Variants in HNRNPM observed in about 807,000 individuals in gnomAD.
HNRNPM encodes CEA receptor.
In HNRNPM, 11 loss-of-function variants were observed where a neutral mutation model predicts 73.1. The ratio of observed to expected loss-of-function variants is 0.15; its 90% CI spans 0.09 to 0.25. The LOEUF (loss-of-function observed/expected upper bound fraction) is 0.25. Among genes scored for constraint, HNRNPM ranks in the 10% least tolerant of loss-of-function variants. The pLI is 1.00. For missense variants in HNRNPM, 789 were observed against 1,067.9 expected, an observed-to-expected ratio of 0.74 and a Z score of 3.64; for synonymous variants, 407 against 355.2, an observed-to-expected ratio of 1.15 and a Z score of -1.64.
intron 7 of HNRNPM, 88 bp downstream of exon 7, chr19:8,466,476 G>C (rs190021110): frequency 2.3e-6 from 3 of 1,312,460 alleles, no homozygotes; most frequent in African/African-American, 2.9e-5. Context: ...AGAGGTGACT[G>C]TGTGTATTCA....
chr19:8,474,137 A>C (rs2145708502), intron 11 of HNRNPM, 30 bp from the exon 12 acceptor site: 3 of 1,516,864 alleles, frequency 2.0e-6, no homozygotes, highest in Non-Finnish European at 2.7e-6. Flanking sequence ...GTCTTGTTGG[A>C]TGATGCTGAA....
At chr19:8,479,645 T>C (rs1970762044) in intron 12 of HNRNPM, among the ~76,000 whole-genome samples, 1 of 151,520 alleles carries the variant, frequency 6.6e-6, no homozygotes, top group Non-Finnish European at 1.5e-5. Flanking sequence ...ACAGAGTGTA[T>C]GTTGCCCAGG....
intron 1 of HNRNPM, among the ~76,000 whole-genome samples, chr19:8,452,217 AT>A (rs1272516028): frequency 2.0e-5 from 3 of 152,182 alleles, no homozygotes. Context: ...TTATTTATAC[AT>A]TTCGTAGTTT....
intron 12 of HNRNPM, 120 bp from the exon 13 acceptor site, chr19:8,483,038 C>A: frequency 1.5e-6 from 1 of 657,784 alleles, no homozygotes. Context: ...TTTCTCAAAC[C>A]CCTTTCCCTT....
intron 12 of HNRNPM, among the ~76,000 whole-genome samples, chr19:8,479,096 T>G: frequency 7.9e-6 from 1 of 126,926 alleles, no homozygotes; most frequent in East Asian, 2.3e-4. Context: ...TTTTTTTTTT[T>G]TTTTTTCAAG....
chr19:8,480,034 A>G (rs1970799212), intron 12 of HNRNPM, among the ~76,000 whole-genome samples: 1 of 143,760 alleles, frequency 7.0e-6, no homozygotes, highest in Non-Finnish European at 1.5e-5. Flanking sequence ...CGGCCTCCCA[A>G]AGTGCTGGGA....
intron 12 of HNRNPM, among the ~76,000 whole-genome samples, chr19:8,479,063 C>CT (rs1182276028): frequency 6.2e-5 from 7 of 112,132 alleles, no homozygotes; most frequent in Admixed American, 3.8e-4. Context: ...ATTTCCTCCT[C>CT]TTTTTTCTTT....
rs1020079686 is a variant in HNRNPM, at chr19:8,485,776, A to G, written c.1348A>G (p.Met450Val). 9.4e-6 allele frequency: 15 copies of G among 1,602,590 alleles called. No homozygotes were observed. The highest frequency in any genetic ancestry group is 1.7e-5 in the Admixed American group (1 of 59,802). The change falls in exon 14 of 16, where the codon ATG (methionine) becomes GTG (valine). Residue 450 changes from methionine (M) to valine (V), a missense_variant. This residue lies in a region of HNRNPM where 604 missense variants were observed against 744.0 expected (regional missense o/e 0.81). Transcript: ENST00000325495. ...GGACCGCATGGGCTCCGTGGAGCGC[A>G]TGGGCTCCGGCATTGAGCGCATGGG... is the stretch of plus-strand genomic sequence containing the variant. ...VMDRMGSVER[M>V]GSGIERMGPL...
intron 1 of HNRNPM, among the ~76,000 whole-genome samples, chr19:8,449,883 G>T (rs1968481708): frequency 6.6e-6 from 1 of 152,166 alleles, no homozygotes; most frequent in South Asian, 2.1e-4. Flanking sequence ...GCCTCCATAG[G>T]ACCGAGGCCT....
chr19:8,486,412 G>A lies in HNRNPM; in HGVS notation c.1977+7G>A. On this transcript the variant is annotated splice_region_variant and intron_variant, in intron 14 of 15. Coordinates refer to ENST00000325495, the MANE Select transcript of HNRNPM (RefSeq NM_005968.5). The stretch of plus-strand genomic sequence containing the variant: ...CCAGATATTTGTGAGAAATGTAAGT[G>A]GCTCTTGGGGAACTTCTTGGTGGTG... The A allele has an allele frequency of 6.5e-7, 1 of 1,549,412 alleles. No homozygotes were observed. The highest frequency in any genetic ancestry group is 8.7e-7 in the Non-Finnish European group (1 of 1,155,060).
chr19:8,479,529 A>T (rs957251472), intron 12 of HNRNPM, among the ~76,000 whole-genome samples: 3 of 152,010 alleles, frequency 2.0e-5, no homozygotes, highest in Non-Finnish European at 2.9e-5. Context: ...TACAGTGGGT[A>T]TGATCTCACT....
chr19:8,487,495 G>T, intron 15 of HNRNPM: 1 of 202,238 alleles, frequency 4.9e-6, no homozygotes, highest in Admixed American at 5.5e-5. Flanking sequence ...GGCGGTGCAG[G>T]CTCTGGGCAC....
At chr19:8,483,073 A>G in intron 12 of HNRNPM, 85 bp from the exon 13 acceptor site, 1 of 825,804 alleles carries the variant, frequency 1.2e-6, no homozygotes, top group Non-Finnish European at 2.0e-6. Flanking sequence ...TATTAGTAGT[A>G]TTTCTACTCT....
chr19:8,460,528 C>A (rs1041732092), intron 2 of HNRNPM, among the ~76,000 whole-genome samples: 1 of 152,212 alleles, frequency 6.6e-6, no homozygotes, highest in African/African-American at 2.4e-5. Context: ...GTCAGGTGTG[C>A]TATTTCTAGA....
chr19:8,473,776 C>T, intron 11 of HNRNPM, 68 bp downstream of exon 11: 1 of 1,018,678 alleles, frequency 9.8e-7, no homozygotes, highest in Non-Finnish European at 1.5e-6. Context: ...TTCCTCTTTT[C>T]TTTCTTGTTT....
At chr19:8,487,330 A>G in intron 15 of HNRNPM, 1 of 449,968 alleles carries the variant, frequency 2.2e-6, no homozygotes, top group Admixed American at 3.7e-5. Flanking sequence ...TAGTGTCCCC[A>G]TTTCACAGAT....
At chr19:8,476,870 C>T (rs187259163) in intron 12 of HNRNPM, among the ~76,000 whole-genome samples, 2 of 150,470 alleles carry the variant, frequency 1.3e-5, no homozygotes, top group African/African-American at 4.9e-5. Flanking sequence ...TCCCTGCCGC[C>T]GTCCCCCCCA....
rs533499036 is a variant in HNRNPM at position 8,470,926 on chromosome 19, C to T, written c.896-400C>T. Among the ~76,000 whole-genome samples the T allele has an allele frequency of 8.5e-5, 13 of 152,208 alleles. No homozygotes were observed. In the South Asian group the frequency reaches 2.7e-3, roughly 32 times the overall value. ...AGGATGTTGATTGGCTGGTTTGTAA[C>T]GTGTTTTTTCATGAGAAACATCCTT... On this transcript the variant is annotated intron_variant, in intron 9 of 15. Coordinates refer to ENST00000325495, the MANE Select transcript of HNRNPM (RefSeq NM_005968.5).
intron 2 of HNRNPM, 72 bp downstream of exon 2, chr19:8,455,646 A>T: frequency 7.5e-7 from 1 of 1,340,324 alleles, no homozygotes; most frequent in Admixed American, 1.9e-5. Flanking sequence ...TTCCTTGGTT[A>T]TTTTTGGTCA....
Sources: allele counts gnomAD v4.1 joint callset (sites outside exome capture counted in the v4.1 genomes callset), GRCh38; gene constraint gnomAD v4.1.1; regional missense constraint gnomAD v4.1.1; transcripts MANE v1.5; gene names NCBI Gene and HGNC (gene_info 2026-07-23, HGNC 2026-07-21).